Variants in ENDOD1 observed in about 807,000 individuals in gnomAD.
ENDOD1 encodes the protein endonuclease domain-containing 1 protein.
A neutral mutation model predicts 6.5 loss-of-function variants in ENDOD1; 9 were observed. That is an observed-to-expected ratio of 1.39 (90% CI 0.84 to 2.43). ENDOD1 has a LOEUF of 2.43. Ranked by LOEUF, ENDOD1 falls within the 30% of genes most tolerant of loss-of-function variation. The pLI is 0.00. For synonymous variants in ENDOD1, 255 were observed against 255.2 expected, an observed-to-expected ratio of 1.00 and a Z score of 0.01; for missense variants, 648 against 635.5, an observed-to-expected ratio of 1.02 and a Z score of -0.21.
chr11:95,127,764 ATTT>A (rs34243393), intron 1 of ENDOD1, among the ~76,000 whole-genome samples: 1 of 149,534 alleles, frequency 6.7e-6, no homozygotes, highest in African/African-American at 2.5e-5. Flanking sequence ...ACTACAACAG[ATTT>A]TTTTTTTTTT....
At chr11:95,091,583 C>T (rs1417838375) in intron 1 of ENDOD1, among the ~76,000 whole-genome samples, 18 of 152,150 alleles carry the variant, frequency 1.2e-4, no homozygotes, top group Admixed American at 9.8e-4. Context: ...TGTGTGCCTG[C>T]GAAGAAAACA....
chr11:95,101,695 A>C (rs960460233), intron 1 of ENDOD1, among the ~76,000 whole-genome samples: 1 of 152,194 alleles, frequency 6.6e-6, no homozygotes, highest in Non-Finnish European at 1.5e-5. Flanking sequence ...GGACTATTTC[A>C]TAACTTTTAT....
chr11:95,129,367 G>T lies in ENDOD1; in HGVS notation c.1291G>T (p.Val431Phe), dbSNP rs1859347093. Residue 431 changes from valine (V) to phenylalanine (F), a missense_variant, in exon 2 of 2, where the codon GTC (valine) becomes TTC (phenylalanine). Transcript: ENST00000278505. ...KAICRVLSIP[V>F]RVLVDVATFP... is the part of the protein sequence containing the mutation. ...CATTTGCCGAGTTCTGAGCATCCCTGTCCGTGTCCTTGTGGATGTGGCCAC... is the reference window on the plus strand; with the variant it reads ...CATTTGCCGAGTTCTGAGCATCCCTTTCCGTGTCCTTGTGGATGTGGCCAC... The T allele has an allele frequency of 1.2e-6, 2 of 1,614,144 alleles. No individual in the cohort carries two copies. The highest frequency in any genetic ancestry group is 2.7e-5 in the African/African-American group (2 of 75,010).
chr11:95,090,172 G>C lies in ENDOD1; in HGVS notation c.245G>C (p.Arg82Pro), dbSNP rs1249481280. 2 of 1,433,402 alleles carry C rather than the reference G, an allele frequency of 1.4e-6. No homozygotes were observed. The highest frequency in any genetic ancestry group is 6.1e-5 in the East Asian group (2 of 32,878). 88.8% of individuals were successfully genotyped at this position (1,433,402 alleles called of 1,614,324 possible). A position where few individuals can be genotyped will look rare whatever the true frequency, so the allele number is the denominator to read the frequency against. ...CGCATCCCCGTGTACTCCGCGTTCC[G>C]CGCCCCGCGCCCTGCGCCCGGCGGC... ...RDRIPVYSAF[R>P]APRPAPGGAE... is the part of the protein sequence containing the mutation. Residue 82 changes from arginine to proline, a missense_variant, in exon 1 of 2, where the codon CGC (arginine) becomes CCC (proline). Physicochemically the swap from Arg to Pro is moderately radical, Grantham distance 103. Transcript: ENST00000278505.
At position 95,128,838 on chromosome 11, in the gene ENDOD1, T is replaced by C. The variant is rs1859339507; in HGVS notation, c.762T>C (p.Leu254=). The change falls in exon 2 of 2, where the codon CTT becomes CTC. Residue 254 remains leucine, a synonymous_variant. Coordinates refer to ENST00000278505, the MANE Select transcript of ENDOD1 (RefSeq NM_015036.3). ...DIIEDVMVKD[L]QKLLPFNPQL... is the part of the protein sequence containing the mutation. ...TAGAAGATGTGATGGTAAAAGATCTTCAGAAACTGCTTCCATTTAACCCTC... is the reference window on the plus strand; with the variant it reads ...TAGAAGATGTGATGGTAAAAGATCTCCAGAAACTGCTTCCATTTAACCCTC... The C allele has an allele frequency of 6.2e-7, 1 of 1,614,050 alleles. No individual in the cohort carries two copies.
chr11:95,120,855 G>A (rs1859256380), intron 1 of ENDOD1, among the ~76,000 whole-genome samples: 1 of 152,188 alleles, frequency 6.6e-6, no homozygotes, highest in Admixed American at 6.5e-5. Context: ...ACTGGGATTG[G>A]CAGCTTTTCT....
intron 1 of ENDOD1, among the ~76,000 whole-genome samples, chr11:95,119,590 G>T (rs551601316): frequency 1.3e-5 from 2 of 152,190 alleles, no homozygotes; most frequent in Non-Finnish European, 2.9e-5. Context: ...GGCCACCACC[G>T]CTAGGACTGT....
chr11:95,102,008 G>C (rs1555110927), intron 1 of ENDOD1, among the ~76,000 whole-genome samples: 1 of 151,966 alleles, frequency 6.6e-6, no homozygotes, highest in African/African-American at 2.4e-5. Flanking sequence ...ATAACTCACA[G>C]GTGGCTTGAA....
rs375961852 is a variant in ENDOD1 at position 95,115,428 on chromosome 11, G to T, written c.301-12949G>T. ...TGGCGTCTTTAGGTTTTTAATATAAGGTTATATCATCCACAAACAAGGATA... is the reference window on the plus strand; with the variant it reads ...TGGCGTCTTTAGGTTTTTAATATAATGTTATATCATCCACAAACAAGGATA... On this transcript the variant is annotated intron_variant, in intron 1 of 1. Coordinates refer to ENST00000278505, the MANE Select transcript of ENDOD1 (RefSeq NM_015036.3). Among the ~76,000 whole-genome samples, 9 of 151,220 alleles carry T rather than the reference G, an allele frequency of 6.0e-5. 1 individual carries two copies. The East Asian group carries it at 1.2e-3, about 19-fold the overall frequency.
chr11:95,118,754 A>G (rs964404687), intron 1 of ENDOD1, among the ~76,000 whole-genome samples: 1 of 152,190 alleles, frequency 6.6e-6, no homozygotes, highest in South Asian at 2.1e-4. Flanking sequence ...TTCTACTTCT[A>G]TCTCTTTCTC....
intron 1 of ENDOD1, among the ~76,000 whole-genome samples, chr11:95,098,692 T>C (rs1555110579): frequency 2.6e-5 from 4 of 152,082 alleles, no homozygotes. Flanking sequence ...GGCACTTTTC[T>C]AGTGTTTTTT....
In ENDOD1 at chr11:95,092,842, T is replaced by C. The variant is rs146840569; in HGVS notation, c.300+2615T>C. On this transcript the variant is annotated intron_variant, in intron 1 of 1. Transcript: ENST00000278505. ...AGAAAGATGCTCAGGGCTCAATGTG[T>C]ACCCTTGGCGGCTTCCAAGCATTTT... Among the ~76,000 whole-genome samples the C allele has an allele frequency of 3.9e-5, 6 of 152,330 alleles. No homozygotes were observed. In the East Asian group the frequency reaches 1.2e-3, roughly 29 times the overall value.
chr11:95,090,065 G>C lies in ENDOD1; in HGVS notation c.138G>C (p.Gly46=), dbSNP rs782534708. The change falls in exon 1 of 2, where the codon GGG becomes GGC. Residue 46 remains glycine (G), a synonymous_variant. Transcript: ENST00000278505. ...TCTACGCCGGGACCCCGCCTGCGGG[G>C]CTGGCGGCCGATTCCCACGTGAAGA... ...KFFYAGTPPA[G]LAADSHVKIC... is the part of the protein sequence containing the mutation. The C allele has an allele frequency of 1.6e-5, 25 of 1,602,568 alleles. No homozygotes were observed. The highest frequency in any genetic ancestry group is 2.0e-5 in the Non-Finnish European group (24 of 1,175,814).
intron 1 of ENDOD1, among the ~76,000 whole-genome samples, 178 bp downstream of exon 1, chr11:95,090,405 G>C (rs1858918306): frequency 0.019 from 1 of 54 alleles, no homozygotes. Flanking sequence ...GAGTTAGCCT[G>C]CCTCGCCCCT....
intron 1 of ENDOD1, among the ~76,000 whole-genome samples, chr11:95,105,139 G>C (rs1565445228): frequency 6.6e-6 from 1 of 152,194 alleles, no homozygotes; most frequent in Non-Finnish European, 1.5e-5. Context: ...GTATCAGTCA[G>C]GGGCCTGGCT....
intron 1 of ENDOD1, among the ~76,000 whole-genome samples, chr11:95,123,390 A>G (rs1365509799): frequency 2.0e-5 from 3 of 152,040 alleles, no homozygotes; most frequent in African/African-American, 7.2e-5. Flanking sequence ...GTAATAGTTA[A>G]TACAAAGGAA....
intron 1 of ENDOD1, among the ~76,000 whole-genome samples, chr11:95,090,925 GTAGT>G (rs1292017488): frequency 6.6e-6 from 1 of 152,146 alleles, no homozygotes; most frequent in Non-Finnish European, 1.5e-5. Context: ...ACGCAATGGG[GTAGT>G]TAAAAATGAT....
intron 1 of ENDOD1, among the ~76,000 whole-genome samples, chr11:95,127,908 C>T (rs1049357316): frequency 6.6e-6 from 1 of 152,110 alleles, no homozygotes; most frequent in African/African-American, 2.4e-5. Context: ...TACAGGCACC[C>T]ATCACCACAT....
At chr11:95,105,869 A>G (rs782463496) in intron 1 of ENDOD1, among the ~76,000 whole-genome samples, 1 of 152,208 alleles carries the variant, frequency 6.6e-6, no homozygotes, top group Non-Finnish European at 1.5e-5. Context: ...AAGAGAGCCA[A>G]CCAGTTATGG....
Sources: gnomAD v4.1 joint callset for allele counts (sites outside exome capture counted in the v4.1 genomes callset) on GRCh38, gnomAD v4.1.1 for gene constraint, MANE v1.5 for transcripts, NCBI Gene and HGNC (gene_info 2026-07-23, HGNC 2026-07-21) for gene names.